ATP8B1: variants seen among roughly 807,000 people sequenced by gnomAD.
ATP8B1 encodes the protein ATPase phospholipid transporting 8B1, also known as phospholipid-transporting ATPase IC.
In ATP8B1, 80 loss-of-function variants were observed where a neutral mutation model predicts 149.9. The observed-to-expected ratio is 0.53, with a 90% CI of 0.45 to 0.64. ATP8B1 has a LOEUF of 0.64. ATP8B1 is among the 30% of genes least tolerant of loss of function. The probability of loss-of-function intolerance (pLI) is 0.00; values close to 1 mark genes in which losing one functional copy is unlikely to be tolerated. For synonymous variants in ATP8B1, 536 were observed against 562.8 expected, an observed-to-expected ratio of 0.95 and a Z score of 0.67; for missense variants, 1,247 against 1,552.6, an observed-to-expected ratio of 0.80 and a Z score of 3.31.
At chr18:57,742,432 G>T (rs2079923997) in intron 1 of ATP8B1, among the ~76,000 whole-genome samples, 1 of 152,086 alleles carries the variant, frequency 6.6e-6, no homozygotes, top group South Asian at 2.1e-4. Context: ...ACTGTGGTGG[G>T]GACAATTCAG....
intron 15 of ATP8B1, among the ~76,000 whole-genome samples, chr18:57,683,479 C>T (rs980127628): frequency 4.6e-5 from 7 of 152,228 alleles, no homozygotes; most frequent in Non-Finnish European, 8.8e-5. Flanking sequence ...AAGGAACCTA[C>T]AAGCCATTCT....
intron 1 of ATP8B1, among the ~76,000 whole-genome samples, chr18:57,768,586 CAAAA>C (rs5825235): frequency 1.8e-4 from 17 of 96,982 alleles, no homozygotes; most frequent in Non-Finnish European, 2.4e-4. Flanking sequence ...GTTTACATGC[CAAAA>C]AAAAAAAAAA....
intron 1 of ATP8B1, among the ~76,000 whole-genome samples, chr18:57,782,333 A>G (rs1410415865): frequency 6.6e-6 from 1 of 152,272 alleles, no homozygotes; most frequent in Admixed American, 6.5e-5. Context: ...CCAATCCAGC[A>G]TCCTTACGTT....
rs147975867 is a variant in ATP8B1, at chr18:57,731,017, C to T, written c.181+610G>A. On this transcript the variant is annotated intron_variant, in intron 2 of 27. Coordinates refer to ENST00000648908, the MANE Select transcript of ATP8B1 (RefSeq NM_001374385.1). ...ATTTTAAGAATATATACACTGGCTA[C>T]GCATCGTAGCTCATGCCTGTAATTC... Among the ~76,000 whole-genome samples, 521 of 152,188 alleles carry T rather than the reference C, an allele frequency of 3.4e-3. 1 individual carries two copies. Among genetic ancestry groups the T allele is most frequent in the African/African-American group, 0.012 (488 of 41,520 alleles).
intron 1 of ATP8B1, among the ~76,000 whole-genome samples, chr18:57,789,807 G>T (rs1287097654): frequency 6.6e-6 from 1 of 152,122 alleles, no homozygotes; most frequent in African/African-American, 2.4e-5. Context: ...AAAAATAGTG[G>T]ATTATTTTAC....
In ATP8B1 at chr18:57,787,048, T is replaced by C. The variant is rs116899437; in HGVS notation, c.-26+15950A>G. 2.4e-4 allele frequency among the ~76,000 whole-genome samples: 36 copies of C among 152,300 alleles called. 1 individual carries two copies. The East Asian group carries it at 6.9e-3, about 29-fold the overall frequency. On this transcript the variant is annotated intron_variant, in intron 1 of 27. Transcript: ENST00000648908. The stretch of plus-strand genomic sequence containing the variant: ...GCCAGACAGGATGTTATGTTAGAAA[T>C]ACATTTAAGCGATATTAAAATAAGT...
chr18:57,785,214 A>G (rs2080395036), intron 1 of ATP8B1, among the ~76,000 whole-genome samples: 1 of 152,246 alleles, frequency 6.6e-6, no homozygotes, highest in South Asian at 2.1e-4. Flanking sequence ...TCTTTTGACA[A>G]CAACATAAAC....
At chr18:57,706,166 C>G (rs1913380303) in intron 3 of ATP8B1, among the ~76,000 whole-genome samples, 1 of 152,144 alleles carries the variant, frequency 6.6e-6, no homozygotes, top group Non-Finnish European at 1.5e-5. Context: ...TTAAGAGATT[C>G]CTTTCAAACT....
At chr18:57,720,933 G>T in intron 2 of ATP8B1, among the ~76,000 whole-genome samples, 1 of 150,024 alleles carries the variant, frequency 6.7e-6, no homozygotes, top group South Asian at 2.1e-4. Flanking sequence ...GAGAGTGGGG[G>T]CCAGTATTCA....
chr18:57,750,181 T>A (rs982175786), intron 1 of ATP8B1, among the ~76,000 whole-genome samples: 1 of 152,306 alleles, frequency 6.6e-6, no homozygotes, highest in African/African-American at 2.4e-5. Context: ...AGGTGGAGGT[T>A]GCAGTGAGCC....
intron 1 of ATP8B1, among the ~76,000 whole-genome samples, chr18:57,767,366 G>A (rs928364610): frequency 6.6e-6 from 1 of 152,150 alleles, no homozygotes; most frequent in Non-Finnish European, 1.5e-5. Flanking sequence ...AGGCCATTGT[G>A]CCATCCAGTA....
intron 2 of ATP8B1, among the ~76,000 whole-genome samples, chr18:57,709,289 G>T (rs1184365699): frequency 6.6e-6 from 1 of 152,190 alleles, no homozygotes; most frequent in African/African-American, 2.4e-5. Flanking sequence ...ACAGCACCTT[G>T]CAACCCTCTC....
intron 22 of ATP8B1, among the ~76,000 whole-genome samples, chr18:57,658,053 C>CTT (rs546460466): frequency 8.2e-5 from 12 of 146,410 alleles, no homozygotes; most frequent in East Asian, 8.0e-4. Flanking sequence ...TCCCTCTTGC[C>CTT]TTTTTTTTTT....
chr18:57,675,139 C>G (rs1911518117), intron 15 of ATP8B1, 117 bp from the exon 16 acceptor site: 6 of 1,008,142 alleles, frequency 6.0e-6, no homozygotes, highest in Non-Finnish European at 7.4e-6. Flanking sequence ...CCCAAAACAT[C>G]CCCAGGAAAA....
intron 1 of ATP8B1, among the ~76,000 whole-genome samples, chr18:57,757,542 C>T (rs755530748): frequency 2.6e-4 from 40 of 152,268 alleles, no homozygotes; most frequent in Admixed American, 1.4e-3. Context: ...TATGCACACA[C>T]GCATGTACAT....
intron 1 of ATP8B1, among the ~76,000 whole-genome samples, chr18:57,744,453 C>A (rs1479786752): frequency 6.6e-6 from 1 of 151,940 alleles, no homozygotes. Context: ...AAGACTGGGG[C>A]TGGTTCCCAT....
chr18:57,713,223 CCTTCCT>C (rs1913804661), intron 2 of ATP8B1, among the ~76,000 whole-genome samples: 1 of 130,196 alleles, frequency 7.7e-6, no homozygotes, highest in African/African-American at 3.0e-5. Flanking sequence ...TTCCTTCCTT[CCTTCCT>C]TCCTTCCTTC....
At chr18:57,716,901 C>T (rs2079587964) in intron 2 of ATP8B1, among the ~76,000 whole-genome samples, 2 of 152,194 alleles carry the variant, frequency 1.3e-5, no homozygotes, top group Non-Finnish European at 2.9e-5. Flanking sequence ...GGATCATTCT[C>T]AAAGACAGAA....
At chr18:57,695,074 C>T (rs1912737341) in intron 10 of ATP8B1, 97 bp downstream of exon 10, 1 of 591,716 alleles carries the variant, frequency 1.7e-6, no homozygotes, top group Non-Finnish European at 3.1e-6. Flanking sequence ...TGCTATTACT[C>T]TTCTTTTGGT....
Sources: allele counts gnomAD v4.1 joint callset (sites outside exome capture counted in the v4.1 genomes callset), GRCh38; gene constraint gnomAD v4.1.1; transcripts MANE v1.5; gene names NCBI Gene and HGNC (gene_info 2026-07-23, HGNC 2026-07-21).